The following PTCHD4 variants were observed in gnomAD, a reference collection of about 807,000 sequenced individuals.
The protein encoded by PTCHD4 is patched domain-containing protein 4.
PTCHD4 carries 33 observed loss-of-function variants against 58.1 expected under a neutral mutation model. The ratio of observed to expected loss-of-function variants is 0.57; its 90% CI spans 0.43 to 0.76. The LOEUF (loss-of-function observed/expected upper bound fraction) is 0.76. Among genes scored for constraint, PTCHD4 ranks in the 30% least tolerant of loss-of-function variants. The pLI, the probability that PTCHD4 is intolerant of heterozygous loss-of-function variation, is 0.00. For synonymous variants in PTCHD4, 478 were observed against 409.6 expected (o/e 1.17, Z -2.02); for missense variants, 1,058 against 1,027.1 (o/e 1.03, Z -0.41).
intron 1 of PTCHD4, among the ~76,000 whole-genome samples, chr6:48,093,527 T>TA (rs1198470897): frequency 1.3e-5 from 2 of 152,116 alleles, no homozygotes; most frequent in African/African-American, 2.4e-5. Flanking sequence ...GGTGATAATT[T>TA]AAAATAGATC....
rs751103253 is a variant in PTCHD4, at chr6:47,874,355, T to A, written c.*3948A>T. 1.9e-4 allele frequency among the ~76,000 whole-genome samples: 29 copies of A among 151,696 alleles called. No individual in the cohort carries two copies. The highest frequency in any genetic ancestry group is 4.1e-4 in the Non-Finnish European group (28 of 67,764). On this transcript the variant is annotated 3_prime_UTR_variant, in exon 5 of 5. Transcript: ENST00000339488. ...TAAGAAATTTTAATAAAAGTTGCAA[T>A]AACCCTGAAAATAGTGTCTTTAATA...
At chr6:48,091,838 C>T (rs932501401) in intron 1 of PTCHD4, among the ~76,000 whole-genome samples, 5 of 151,760 alleles carry the variant, frequency 3.3e-5, no homozygotes, top group African/African-American at 4.8e-5. Context: ...TTAGTAGAGA[C>T]GGGGTTTTGC....
intron 4 of PTCHD4, among the ~76,000 whole-genome samples, chr6:47,977,408 T>C (rs550551301): frequency 1.3e-5 from 2 of 152,214 alleles, no homozygotes; most frequent in East Asian, 3.9e-4. Flanking sequence ...TCTTGAAGAG[T>C]TCTCTGTGAC....
intron 4 of PTCHD4, among the ~76,000 whole-genome samples, chr6:47,999,688 A>T (rs563616589): frequency 6.6e-6 from 1 of 152,172 alleles, no homozygotes; most frequent in Non-Finnish European, 1.5e-5. Context: ...GAATCCATGA[A>T]CATAATAAAG....
intron 4 of PTCHD4, among the ~76,000 whole-genome samples, chr6:47,957,959 T>G (rs908664912): frequency 3.3e-5 from 5 of 152,128 alleles, no homozygotes; most frequent in African/African-American, 4.8e-5. Flanking sequence ...GTCTGTCCAT[T>G]GGAGGTGAAA....
At position 47,864,407 on chromosome 6, in the gene PTCHD4, C is replaced by T. The variant is rs966825291; in HGVS notation, c.*13896G>A. 7.2e-5 allele frequency among the ~76,000 whole-genome samples: 11 copies of T among 151,960 alleles called. No homozygotes were observed. The highest frequency in any genetic ancestry group is 4.1e-4 in the South Asian group (2 of 4,822). The stretch of plus-strand genomic sequence containing the variant: ...TGGGTAGTGGCTGCCTCTCATTTCT[C>T]TTTGCATTTACTCTCTATGTGTCTG... On this transcript the variant is annotated 3_prime_UTR_variant, in exon 5 of 5. Coordinates refer to ENST00000339488, the MANE Select transcript of PTCHD4 (RefSeq NM_001384253.1).
chr6:47,963,971 C>T (rs911572073), intron 4 of PTCHD4, among the ~76,000 whole-genome samples: 1 of 152,198 alleles, frequency 6.6e-6, no homozygotes, highest in African/African-American at 2.4e-5. Flanking sequence ...TTAAACCACT[C>T]ATTATCAAGA....
chr6:47,936,089 T>G (rs988689896), intron 4 of PTCHD4, among the ~76,000 whole-genome samples: 1 of 152,136 alleles, frequency 6.6e-6, no homozygotes, highest in Non-Finnish European at 1.5e-5. Context: ...CTGGTCTGAT[T>G]TACATATAAT....
intron 4 of PTCHD4, among the ~76,000 whole-genome samples, chr6:47,971,797 G>A (rs1028859519): frequency 6.6e-6 from 1 of 152,070 alleles, no homozygotes; most frequent in Non-Finnish European, 1.5e-5. Flanking sequence ...CAAATCTATA[G>A]GAAATTTCAA....
In PTCHD4 at chr6:47,876,041, T is replaced by C. The variant is rs1289323539; in HGVS notation, c.*2262A>G. On this transcript the variant is annotated 3_prime_UTR_variant, in exon 5 of 5. Transcript: ENST00000339488. ...ATCTTTACAAATGATGGGTAATCTG[T>C]AAGAGGAATTCTCCTCCTCCCTGCA... 6.6e-6 allele frequency among the ~76,000 whole-genome samples: 1 copy of C among 151,680 alleles called. No individual in the cohort carries two copies. The highest frequency in any genetic ancestry group is 2.1e-4 in the South Asian group (1 of 4,826).
intron 4 of PTCHD4, among the ~76,000 whole-genome samples, chr6:47,925,501 A>AAG (rs1439810462): frequency 1.3e-5 from 2 of 152,158 alleles, no homozygotes; most frequent in Non-Finnish European, 2.9e-5. Context: ...TCTCTTAGAG[A>AAG]AGAGTGGCAC....
At chr6:48,025,892 G>A (rs1163108366) in intron 3 of PTCHD4, among the ~76,000 whole-genome samples, 1 of 152,060 alleles carries the variant, frequency 6.6e-6, no homozygotes, top group Non-Finnish European at 1.5e-5. Context: ...TGGCACTCAG[G>A]GACAGGGCTA....
chr6:47,920,687 C>G (rs1204799932), intron 4 of PTCHD4, among the ~76,000 whole-genome samples: 2 of 152,040 alleles, frequency 1.3e-5, no homozygotes, highest in African/African-American at 4.8e-5. Context: ...AAAGATCCAC[C>G]CATACAATTA....
chr6:47,937,238 G>C (rs1429215583), intron 4 of PTCHD4, among the ~76,000 whole-genome samples: 1 of 152,188 alleles, frequency 6.6e-6, no homozygotes, highest in Non-Finnish European at 1.5e-5. Context: ...ATAATAAACT[G>C]TAACAGGGCA....
intron 1 of PTCHD4, among the ~76,000 whole-genome samples, chr6:48,090,067 T>C (rs1237035984): frequency 6.6e-6 from 1 of 152,216 alleles, no homozygotes; most frequent in Non-Finnish European, 1.5e-5. Context: ...ATGCAATATA[T>C]ATTAGTTCTT....
At chr6:48,042,441 A>C (rs915224196) in intron 3 of PTCHD4, among the ~76,000 whole-genome samples, 1 of 151,968 alleles carries the variant, frequency 6.6e-6, no homozygotes, top group Non-Finnish European at 1.5e-5. Flanking sequence ...GCAATACAAC[A>C]CAATATAATA....
intron 4 of PTCHD4, among the ~76,000 whole-genome samples, chr6:47,962,977 C>T (rs954956575): frequency 5.9e-5 from 9 of 151,568 alleles, no homozygotes; most frequent in Admixed American, 1.3e-4. Context: ...CTGGGTAACA[C>T]GGTGAAACTG....
At chr6:48,039,347 A>T (rs1381049878) in intron 3 of PTCHD4, among the ~76,000 whole-genome samples, 2 of 152,150 alleles carry the variant, frequency 1.3e-5, no homozygotes, top group African/African-American at 2.4e-5. Context: ...AAACAGGATC[A>T]TCTTATTTAG....
chr6:48,009,395 C>A (rs1762590776), intron 3 of PTCHD4, among the ~76,000 whole-genome samples: 1 of 152,208 alleles, frequency 6.6e-6, no homozygotes, highest in African/African-American at 2.4e-5. Flanking sequence ...TGTTCTCACT[C>A]ATATCCCGAT....
Sources: gnomAD v4.1 joint callset for allele counts (sites outside exome capture counted in the v4.1 genomes callset) on GRCh38, gnomAD v4.1.1 for gene constraint, MANE v1.5 for transcripts, NCBI Gene and HGNC (gene_info 2026-07-23, HGNC 2026-07-21) for gene names.